Variants in SUMF1 observed in about 807,000 individuals in gnomAD.
SUMF1 encodes the protein sulfatase modifying factor 1.
Under a neutral mutation model 47.6 loss-of-function variants are expected in SUMF1, and 48 were observed. That is an observed-to-expected ratio of 1.01 (90% confidence interval 0.80 to 1.28). SUMF1 has a LOEUF of 1.28. Among genes scored for constraint, SUMF1 ranks in the 50% most tolerant of loss-of-function variants. SUMF1 has a pLI of 0.00. For synonymous variants in SUMF1, 230 were observed against 192.1 expected, an observed-to-expected ratio of 1.20 and a Z score of -1.63; for missense variants, 571 against 485.4, an observed-to-expected ratio of 1.18 and a Z score of -1.66.
At chr3:4,068,707 T>C (rs995777870) in exon 9 of SUMF1, 4 of 444,776 alleles carry the variant, frequency 9.0e-6, no homozygotes, top group African/African-American at 2.0e-5. Flanking sequence ...ACATCTCAGA[T>C]GCCACATCTT....
At chr3:4,282,241 C>A (rs910656543) in intron 8 of SUMF1, among the ~76,000 whole-genome samples, 2 of 152,076 alleles carry the variant, frequency 1.3e-5, no homozygotes, top group African/African-American at 4.8e-5. Flanking sequence ...ACTTATCCAG[C>A]TGCAGAAAGA....
intron 1 of SUMF1, among the ~76,000 whole-genome samples, chr3:4,455,538 A>G (rs1703131376): frequency 6.6e-6 from 1 of 152,214 alleles, no homozygotes; most frequent in Admixed American, 6.5e-5. Context: ...CAACACGGTG[A>G]AACCCCGTCT....
At chr3:4,440,852 C>G (rs1702562947) in intron 3 of SUMF1, among the ~76,000 whole-genome samples, 1 of 152,206 alleles carries the variant, frequency 6.6e-6, no homozygotes, top group African/African-American at 2.4e-5. Flanking sequence ...AAGCTCCCAC[C>G]AACAGCAACT....
chr3:4,182,232 G>A (rs182267890), intron 8 of SUMF1, among the ~76,000 whole-genome samples: 2 of 151,972 alleles, frequency 1.3e-5, no homozygotes, highest in African/African-American at 4.8e-5. Context: ...TTAATCCAGA[G>A]TGTCAAATGA....
intron 8 of SUMF1, among the ~76,000 whole-genome samples, chr3:4,278,901 A>C (rs1365918657): frequency 2.0e-5 from 3 of 152,184 alleles, no homozygotes; most frequent in African/African-American, 7.2e-5. Context: ...CATGCCTTTT[A>C]CATCAGACAA....
downstream of SUMF1, among the ~76,000 whole-genome samples, chr3:4,360,608 C>T (rs1010755722): frequency 5.9e-5 from 9 of 152,322 alleles, no homozygotes; most frequent in South Asian, 1.2e-3. Context: ...GCTGGGGTTA[C>T]AGGTGTGAGC....
At chr3:4,206,680 A>G (rs913508593) in intron 8 of SUMF1, among the ~76,000 whole-genome samples, 2 of 151,954 alleles carry the variant, frequency 1.3e-5, no homozygotes, top group Non-Finnish European at 2.9e-5. Flanking sequence ...CACTCACCTG[A>G]TTCTTTGGTT....
chr3:4,403,702 A>T (rs1020723693), intron 7 of SUMF1, among the ~76,000 whole-genome samples: 1 of 152,236 alleles, frequency 6.6e-6, no homozygotes, highest in African/African-American at 2.4e-5. Flanking sequence ...AGGAAACTTC[A>T]GTGAGAACAT....
chr3:4,357,180 G>A (rs878935157), downstream of SUMF1, among the ~76,000 whole-genome samples: 1 of 152,142 alleles, frequency 6.6e-6, no homozygotes, highest in African/African-American at 2.4e-5. Context: ...AGGAGGGAAG[G>A]AGGGAGACAG....
intron 7 of SUMF1, among the ~76,000 whole-genome samples, chr3:4,397,717 T>A (rs987828814): frequency 6.6e-6 from 1 of 152,086 alleles, no homozygotes; most frequent in Non-Finnish European, 1.5e-5. Context: ...AGACTGTCCA[T>A]GGAAAGAAGT....
At chr3:4,123,927 T>C (rs1215597517) in intron 8 of SUMF1, among the ~76,000 whole-genome samples, 3 of 152,054 alleles carry the variant, frequency 2.0e-5, no homozygotes, top group Non-Finnish European at 4.4e-5. Flanking sequence ...TCCGTGTGAG[T>C]GTTTATGTCT....
At chr3:4,137,264 C>T (rs1335975115) in intron 8 of SUMF1, among the ~76,000 whole-genome samples, 1 of 152,062 alleles carries the variant, frequency 6.6e-6, no homozygotes, top group Admixed American at 6.6e-5. Context: ...AAATGTGGCA[C>T]ATATACACCA....
At position 4,362,177 on chromosome 3, in the gene SUMF1, G is replaced by C; in HGVS notation, c.1092C>G (p.Arg364=). ...PDSSASNLGF[R]CAADRLPTMD ...TAGTGGGCAGGCGGTCGGCTGCACA[G>C]CGGAATCCCAGATTCGAAGCAGAGC... The change falls in exon 9 of 9, where the codon CGC becomes CGG. Residue 364 remains arginine (R), a synonymous_variant. Coordinates refer to ENST00000272902, the MANE Select transcript of SUMF1 (RefSeq NM_182760.4). 1 of 1,614,192 alleles carries C rather than the reference G, an allele frequency of 6.2e-7. No individual in the cohort carries two copies. Among genetic ancestry groups the C allele is most frequent in the Non-Finnish European group, 8.5e-7 (1 of 1,180,012 alleles).
intron 8 of SUMF1, chr3:4,303,711 C>T (rs1431249650): frequency 6.7e-7 from 1 of 1,503,306 alleles, no homozygotes; most frequent in South Asian, 1.2e-5. Context: ...CCCACGGCAT[C>T]ACCTTAGCAA....
At chr3:4,256,122 A>G (rs1575026270) in intron 8 of SUMF1, among the ~76,000 whole-genome samples, 1 of 138,616 alleles carries the variant, frequency 7.2e-6, no homozygotes, top group Non-Finnish European at 1.6e-5. Context: ...AGCAGTGTGT[A>G]GAGGGAAATT....
At chr3:4,379,866 G>C (rs568878082) in intron 7 of SUMF1, among the ~76,000 whole-genome samples, 2 of 123,188 alleles carry the variant, frequency 1.6e-5, no homozygotes, top group East Asian at 2.5e-4. Flanking sequence ...AAAAAAAAAA[G>C]ATACTAAGTG....
At chr3:4,419,092 T>C (rs935729438) in intron 4 of SUMF1, among the ~76,000 whole-genome samples, 1 of 152,234 alleles carries the variant, frequency 6.6e-6, no homozygotes, top group Non-Finnish European at 1.5e-5. Context: ...AGAAGATCCA[T>C]CGGTGTTGAC....
intron 8 of SUMF1, among the ~76,000 whole-genome samples, chr3:4,171,087 A>G (rs1026780043): frequency 6.6e-6 from 1 of 152,218 alleles, no homozygotes; most frequent in Non-Finnish European, 1.5e-5. Context: ...AAATTTTGTT[A>G]AAAAGAATTA....
At chr3:4,380,567 C>T (rs1700472255) in intron 7 of SUMF1, among the ~76,000 whole-genome samples, 1 of 152,094 alleles carries the variant, frequency 6.6e-6, no homozygotes, top group Non-Finnish European at 1.5e-5. Context: ...CCATCCTTTG[C>T]ACTTAAAATG....
Sources: allele counts gnomAD v4.1 joint callset (sites outside exome capture counted in the v4.1 genomes callset), GRCh38; gene constraint gnomAD v4.1.1; transcripts MANE v1.5; gene names NCBI Gene and HGNC (gene_info 2026-07-23, HGNC 2026-07-21).